CEP72: variants seen among roughly 807,000 people sequenced by gnomAD.
CEP72 encodes the protein centrosomal protein 72.
A neutral mutation model predicts 65.7 loss-of-function variants in CEP72; 78 were observed. The observed-to-expected ratio is 1.19, with a 90% CI of 0.99 to 1.43. The LOEUF (loss-of-function observed/expected upper bound fraction) is 1.43, where lower values mean the gene tolerates loss of function less well. CEP72 is among the 40% of genes most tolerant of loss of function. The pLI, the probability that CEP72 is intolerant of heterozygous loss-of-function variation, is 0.00. For synonymous variants in CEP72, 358 were observed against 351.7 expected (o/e 1.02, Z -0.20); for missense variants, 914 against 832.9 (o/e 1.10, Z -1.20).
chr5:669,494 CTG>C (rs371302676), downstream of CEP72, among the ~76,000 whole-genome samples: 971 of 152,264 alleles, frequency 6.4e-3, 7 homozygotes, highest in African/African-American at 0.022. Flanking sequence ...CTTGGGGCCT[CTG>C]TCTGTCCTGG....
At chr5:676,399 T>C in the CEP72 span, 1 of 151,002 alleles carries the variant, frequency 6.6e-6, no homozygotes, top group African/African-American at 2.4e-5. Context: ...GATGGGGCGC[T>C]GGCGCCGCAG....
At chr5:648,969 G>A (rs1351241500) in intron 11 of CEP72, among the ~76,000 whole-genome samples, 1 of 149,866 alleles carries the variant, frequency 6.7e-6, no homozygotes, top group African/African-American at 2.5e-5. Context: ...GGCATGGACT[G>A]TGAGATGGGA....
chr5:642,756 A>G (rs2126800513), intron 9 of CEP72: 2 of 985,482 alleles, frequency 2.0e-6, no homozygotes, highest in East Asian at 1.1e-4. Flanking sequence ...AGGAGCAGTC[A>G]GCACCGTCAG....
chr5:675,284 A>G, the CEP72 span, among the ~76,000 whole-genome samples: 1 of 74,892 alleles, frequency 1.3e-5, no homozygotes, highest in Non-Finnish European at 2.5e-5. Flanking sequence ...CAGGGGGTTC[A>G]GTGTGGCCAG....
At chr5:640,841 GC>G in intron 9 of CEP72, 1 of 985,456 alleles carries the variant, frequency 1.0e-6, no homozygotes, top group Non-Finnish European at 1.2e-6. Context: ...CTCTCCCCGG[GC>G]CCAAGGGACC....
In CEP72 at chr5:649,066, GGACTGTGAGGTGT is replaced by G. The variant is rs1160284441; in HGVS notation, c.1778+1178_1778+1190del. 9.3e-3 allele frequency among the ~76,000 whole-genome samples: 767 copies of G among 82,504 alleles called. 1 individual carries two copies. Among genetic ancestry groups the G allele is most frequent in the African/African-American group, 0.029 (716 of 24,282 alleles). 54.1% of individuals were successfully genotyped at this position (82,504 alleles called of 152,430 possible). The stretch of plus-strand genomic sequence containing the variant: ...ACTGTGAGGTGTGACTGTGAGGTGT[GGACTGTGAGGTGT>G]GACTGTGAGGTGTGACTGTGAGGTG... On this transcript the variant is annotated intron_variant, in intron 11 of 11. Transcript: ENST00000264935.
chr5:635,331 A>G, intron 5 of CEP72, 41 bp from the exon 6 acceptor site: 1 of 1,408,804 alleles, frequency 7.1e-7, no homozygotes, highest in Non-Finnish European at 9.8e-7. Context: ...TAAAACTTTT[A>G]CAATGTTTTA....
At chr5:628,547 G>A (rs1215979532) in intron 4 of CEP72, among the ~76,000 whole-genome samples, 7 of 148,686 alleles carry the variant, frequency 4.7e-5, no homozygotes, top group East Asian at 2.0e-4. Context: ...GAGAACTCAG[G>A]TTGCAGTCCC....
rs866596300 is a variant in CEP72, at chr5:635,534, C to T, written c.854C>T (p.Pro285Leu). Residue 285 changes from proline to leucine, a missense_variant, in exon 6 of 12, where the codon CCA (proline) becomes CTA (leucine). Pro to Leu is a moderately conservative substitution (Grantham distance 98). Transcript: ENST00000264935. ...CTTCCGCCACTGTACGGAGCGGAGC[C>T]AGAGGCCTCCCGTGCCCCCAGGCCA... ...GELPPLYGAE[P>L]EASRAPRPHT... 5 of 1,614,068 alleles carry T rather than the reference C, an allele frequency of 3.1e-6. No individual in the cohort carries two copies. In the African/African-American group the frequency reaches 4.0e-5, roughly 13 times the overall value.
At chr5:669,780 G>A (rs934887037), downstream of CEP72, among the ~76,000 whole-genome samples, 9 of 152,052 alleles carry the variant, frequency 5.9e-5, no homozygotes, top group African/African-American at 2.2e-4. Context: ...CACGGGCGGG[G>A]AGCTCTCCCC....
downstream of CEP72, among the ~76,000 whole-genome samples, chr5:658,439 G>A (rs1739441752): frequency 6.6e-6 from 1 of 152,128 alleles, no homozygotes; most frequent in Non-Finnish European, 1.5e-5. Flanking sequence ...CGGGGACTCA[G>A]CCCATTCTTG....
At chr5:668,171 G>A (rs1220264545), downstream of CEP72, among the ~76,000 whole-genome samples, 8 of 117,976 alleles carry the variant, frequency 6.8e-5, no homozygotes, top group Admixed American at 8.6e-5. Context: ...ACAAGCACAC[G>A]GAGAGGGGTC....
downstream of CEP72, among the ~76,000 whole-genome samples, chr5:669,321 G>A (rs914599669): frequency 6.6e-6 from 1 of 152,204 alleles, no homozygotes; most frequent in African/African-American, 2.4e-5. Flanking sequence ...TGTGGCGTGG[G>A]GGTCCGCGGT....
intron 6 of CEP72, 73 bp downstream of exon 6, chr5:635,657 C>T: frequency 1.6e-6 from 2 of 1,253,362 alleles, no homozygotes; most frequent in Admixed American, 3.6e-5. Context: ...TTATAAAGAA[C>T]AGAAGCTTAT....
downstream of CEP72, among the ~76,000 whole-genome samples, chr5:671,366 A>T (rs1307326556): frequency 6.6e-6 from 1 of 151,416 alleles, no homozygotes; most frequent in Non-Finnish European, 1.5e-5. Flanking sequence ...GAGGGGCCCG[A>T]CCTTCTCTAG....
At chr5:654,206 AGCTGTGTGTGCGCTT>A (rs1424019747), downstream of CEP72, among the ~76,000 whole-genome samples, 1 of 123,962 alleles carries the variant, frequency 8.1e-6, no homozygotes, top group Non-Finnish European at 1.6e-5. Context: ...TGTGCATGCT[AGCTGTGTGTGCGCTT>A]GCTGTGTGTG....
chr5:667,435 G>A (rs760269438), downstream of CEP72, among the ~76,000 whole-genome samples: 18 of 152,080 alleles, frequency 1.2e-4, no homozygotes, highest in East Asian at 7.7e-4. Context: ...AATAGATGAC[G>A]GTCCTAATTA....
chr5:665,172 T>A, intron 2 of CEP72: 1 of 1,613,648 alleles, frequency 6.2e-7, no homozygotes, highest in Non-Finnish European at 8.5e-7. Context: ...GCCTGACTCG[T>A]CCACCAGATC....
At chr5:641,574 C>T in intron 9 of CEP72, 1 of 977,166 alleles carries the variant, frequency 1.0e-6, no homozygotes, top group African/African-American at 1.8e-5. Flanking sequence ...ACGCACGTGG[C>T]CCCCCCACCC....
Sources: gnomAD v4.1 joint callset for allele counts (sites outside exome capture counted in the v4.1 genomes callset) on GRCh38, gnomAD v4.1.1 for gene constraint, MANE v1.5 for transcripts, NCBI Gene and HGNC (gene_info 2026-07-23, HGNC 2026-07-21) for gene names.